TRDN: variants seen among roughly 807,000 people sequenced by gnomAD.
TRDN encodes the protein triadin in skeletal muscle.
A neutral mutation model predicts 149.7 loss-of-function variants in TRDN; 161 were observed. That is an observed-to-expected ratio of 1.08 (90% confidence interval 0.95 to 1.23). The LOEUF is 1.23. Among genes scored for constraint, TRDN ranks in the 50% most tolerant of loss-of-function variants. The pLI, the probability that TRDN is intolerant of heterozygous loss-of-function variation, is 0.00. For missense variants in TRDN, 896 were observed against 823.5 expected (o/e 1.09, Z -1.08); for synonymous variants, 294 against 250.5 (o/e 1.17, Z -1.64).
intron 2 of TRDN, among the ~76,000 whole-genome samples, chr6:123,554,464 A>G (rs150747754): frequency 1.3e-5 from 2 of 152,308 alleles, no homozygotes; most frequent in East Asian, 3.9e-4. Context: ...TTAAGTGACC[A>G]GTTTTTCTCC....
At position 123,404,262 on chromosome 6, in the gene TRDN, T is replaced by C. The variant is rs78641282; in HGVS notation, c.1052-10585A>G. On this transcript the variant is annotated intron_variant, in intron 12 of 40. Transcript: ENST00000334268. ...CACATACTTGATGTCCTTTCCAACC[T>C]AATATATAAAAATATTCATTTCTGT... Among the ~76,000 whole-genome samples the C allele has an allele frequency of 4.7e-3, 718 of 152,320 alleles. 14 individuals carry two copies. The East Asian group carries it at 0.076, about 16-fold the overall frequency.
chr6:123,489,282 TTAAG>T (rs1452722441), intron 9 of TRDN, among the ~76,000 whole-genome samples: 3 of 152,084 alleles, frequency 2.0e-5, no homozygotes, highest in African/African-American at 7.2e-5. Flanking sequence ...TTAAACAATC[TTAAG>T]TAATAAATCT....
intron 23 of TRDN, among the ~76,000 whole-genome samples, chr6:123,319,386 CAGTAA>C (rs1040827884): frequency 4.6e-5 from 7 of 151,706 alleles, no homozygotes; most frequent in Admixed American, 4.6e-4. Context: ...TTTCTACTGA[CAGTAA>C]AGTATTTTTT....
intron 7 of TRDN, among the ~76,000 whole-genome samples, chr6:123,509,266 GC>G (rs201865024): frequency 6.6e-6 from 1 of 151,700 alleles, no homozygotes; most frequent in African/African-American, 2.4e-5. Context: ...ACTCAAGATG[GC>G]TCCCAGTGAC....
chr6:123,223,645 T>C (rs894640705), intron 39 of TRDN, among the ~76,000 whole-genome samples: 8 of 150,954 alleles, frequency 5.3e-5, no homozygotes, highest in African/African-American at 1.9e-4. Context: ...GCTGGAAGAG[T>C]GCAGGGGTTG....
At chr6:123,345,277 G>A (rs1047071453) in intron 21 of TRDN, among the ~76,000 whole-genome samples, 1 of 151,770 alleles carries the variant, frequency 6.6e-6, no homozygotes, top group African/African-American at 2.4e-5. Context: ...TTTGTTTATG[G>A]ATGTCCAGTT....
chr6:123,382,335 G>A (rs1781753464), intron 14 of TRDN, among the ~76,000 whole-genome samples, 188 bp from the exon 15 acceptor site: 1 of 151,254 alleles, frequency 6.6e-6, no homozygotes, highest in South Asian at 2.1e-4. Context: ...AGTGAAGCAG[G>A]AGTGAGAAAC....
chr6:123,442,438 C>A (rs541574510), intron 10 of TRDN: 1 of 135,786 alleles, frequency 7.4e-6, no homozygotes, highest in African/African-American at 3.1e-5. Flanking sequence ...CCCAGCTACT[C>A]GGGAGGCTGA....
intron 7 of TRDN, 39 bp downstream of exon 7, chr6:123,512,264 A>G: frequency 8.2e-7 from 1 of 1,213,450 alleles, no homozygotes; most frequent in Non-Finnish European, 1.2e-6. Flanking sequence ...TTCAGAGTAA[A>G]AAGAATTTAG....
chr6:123,401,276 T>C (rs1487231289), intron 12 of TRDN, among the ~76,000 whole-genome samples: 4 of 152,200 alleles, frequency 2.6e-5, no homozygotes, highest in Non-Finnish European at 4.4e-5. Context: ...ATTACCATGA[T>C]TTCCAAAGGG....
intron 12 of TRDN, among the ~76,000 whole-genome samples, chr6:123,396,480 TA>T (rs1195751476): frequency 6.6e-6 from 1 of 152,218 alleles, no homozygotes; most frequent in Non-Finnish European, 1.5e-5. Context: ...ACCATAACAA[TA>T]TTCAACTAAA....
chr6:123,415,136 T>C (rs17085347), intron 12 of TRDN, among the ~76,000 whole-genome samples: 60,218 of 151,942 alleles, frequency 0.4, 12,338 homozygotes, highest in Middle Eastern at 0.48. Flanking sequence ...GATGGATATT[T>C]CAGAACAGTG....
At chr6:123,269,821 C>T (rs768630521) in intron 31 of TRDN, 28 bp downstream of exon 31, 1 of 1,606,148 alleles carries the variant, frequency 6.2e-7, no homozygotes, top group Admixed American at 1.7e-5. Flanking sequence ...AGCGATATTT[C>T]TCAGGTGTTA....
In TRDN at chr6:123,375,712, T is replaced by C. The variant is rs187787326; in HGVS notation, c.1247-81A>G. 48 of 1,147,676 alleles carry C rather than the reference T, an allele frequency of 4.2e-5. No homozygotes were observed. The African/African-American group carries it at 4.9e-4, about 12-fold the overall frequency. The allele number at this position is 1,147,676 out of a possible 1,614,324, so 71.1% of individuals were successfully genotyped here. A position where few individuals can be genotyped will look rare whatever the true frequency, so the allele number is the denominator to read the frequency against. ...TTCCAAAATAATTGTAAGGTTATCTTAATTGTTTAAAGATTGTGTGTATAA... is the reference window on the plus strand; with the variant it reads ...TTCCAAAATAATTGTAAGGTTATCTCAATTGTTTAAAGATTGTGTGTATAA... On this transcript the variant is annotated intron_variant, in intron 18 of 40. Coordinates refer to ENST00000334268, the MANE Select transcript of TRDN (RefSeq NM_006073.4).
chr6:123,607,479 C>T (rs1374542704), intron 1 of TRDN, among the ~76,000 whole-genome samples: 5 of 152,092 alleles, frequency 3.3e-5, no homozygotes, highest in Admixed American at 1.3e-4. Context: ...GATTACTGGG[C>T]CTTAACATGT....
intron 12 of TRDN, among the ~76,000 whole-genome samples, chr6:123,405,726 A>G (rs979549726): frequency 2.0e-5 from 3 of 152,200 alleles, no homozygotes; most frequent in Non-Finnish European, 4.4e-5. Flanking sequence ...TTAAAAAGTC[A>G]ATTTAATTTA....
chr6:123,474,465 A>G (rs1391290081), intron 9 of TRDN, among the ~76,000 whole-genome samples: 4 of 152,060 alleles, frequency 2.6e-5, no homozygotes, highest in Admixed American at 6.5e-5. Context: ...AGACTCCCAC[A>G]CATTAATAAT....
chr6:123,581,768 G>GA (rs931910889), intron 1 of TRDN, among the ~76,000 whole-genome samples: 13 of 152,014 alleles, frequency 8.6e-5, no homozygotes, highest in Non-Finnish European at 1.6e-4. Flanking sequence ...TAATGTTTTA[G>GA]AAAAAAATGA....
chr6:123,358,641 A>ATTGTTTCGTT (rs1554227903), intron 20 of TRDN, among the ~76,000 whole-genome samples: 3 of 151,050 alleles, frequency 2.0e-5, no homozygotes, highest in African/African-American at 7.3e-5. Flanking sequence ...ATTTTTTTGT[A>ATTGTTTCGTT]TTGTTTTGTT....
Sources: gnomAD v4.1 joint callset for allele counts (sites outside exome capture counted in the v4.1 genomes callset) on GRCh38, gnomAD v4.1.1 for gene constraint, MANE v1.5 for transcripts, NCBI Gene and HGNC (gene_info 2026-07-23, HGNC 2026-07-21) for gene names.